BAHD1: variants seen among roughly 807,000 people sequenced by gnomAD.
The protein encoded by BAHD1 is bromo adjacent homology domain-containing 1 protein.
A neutral mutation model predicts 63.1 loss-of-function variants in BAHD1; 20 were observed. That is an observed-to-expected ratio of 0.32 (90% CI 0.22 to 0.46). The LOEUF is 0.46. Ranked by LOEUF, BAHD1 falls within the 20% of genes least tolerant of loss-of-function variation. The pLI is 1.00. For missense variants in BAHD1, 939 were observed against 1,071.8 expected, an observed-to-expected ratio of 0.88 and a Z score of 1.73; for synonymous variants, 408 against 426.8, an observed-to-expected ratio of 0.96 and a Z score of 0.54.
At chr15:40,440,689 A>G (rs1401551214), upstream of BAHD1, among the ~76,000 whole-genome samples, 1 of 151,604 alleles carries the variant, frequency 6.6e-6, no homozygotes, top group African/African-American at 2.4e-5. Flanking sequence ...CCTTGCCACC[A>G]CCCTTGGCAC....
chr15:40,439,475 G>A, upstream of BAHD1, among the ~76,000 whole-genome samples: 1 of 152,212 alleles, frequency 6.6e-6, no homozygotes, highest in East Asian at 1.9e-4. Flanking sequence ...TGTGGTGCAG[G>A]AGGAGCCCCT....
chr15:40,459,668 G>A lies in BAHD1; in HGVS notation c.1204G>A (p.Gly402Ser). The change falls in exon 2 of 7, where the codon GGC (glycine) becomes AGC (serine). Residue 402 changes from glycine to serine, a missense_variant. This residue lies in a region of BAHD1 where 797 missense variants were observed against 813.3 expected (regional missense o/e 0.98). Coordinates refer to ENST00000416165, the MANE Select transcript of BAHD1 (RefSeq NM_014952.5). ...GYSPCPMLPEGKLSPVAAPHE... is the reference protein window; with the variant it reads ...GYSPCPMLPESKLSPVAAPHE... ...CTCGCCCTGCCCCATGCTTCCTGAG[G>A]GCAAGCTGTCCCCAGTGGCTGCACC... 1.2e-6 allele frequency: 2 copies of A among 1,614,084 alleles called. No individual in the cohort carries two copies. The highest frequency in any genetic ancestry group is 1.1e-5 in the South Asian group (1 of 91,086).
At position 40,467,696 on chromosome 15, in the gene BAHD1, G is replaced by T. The variant is rs191680203; in HGVS notation, c.*1566G>T. 2.4e-4 allele frequency: 37 copies of T among 152,810 alleles called. 1 individual carries two copies. The highest frequency in any genetic ancestry group is 4.0e-4 in the Non-Finnish European group (27 of 68,080). The allele number at this position is 152,810 out of a possible 1,614,324, so 9.5% of individuals were successfully genotyped here. On this transcript the variant is annotated 3_prime_UTR_variant, in exon 7 of 7. Transcript: ENST00000416165. ...GGTGAGGCCTGGAGGCTTCAGAGGT[G>T]AATTTATGCTTGGGAAGCCTGATCC...
chr15:40,451,311 G>A (rs1240165030), intron 1 of BAHD1, among the ~76,000 whole-genome samples: 2 of 152,188 alleles, frequency 1.3e-5, no homozygotes, highest in African/African-American at 4.8e-5. Context: ...GTGTCTAAAT[G>A]CCTGGCTCAT....
rs1893941453 is a variant in BAHD1, at chr15:40,459,049, A to T, written c.585A>T (p.Arg195=). ...CAGCACCCGATGAAGGTCCCCGCCG[A>T]GATGGAGACCCAGCTCCCAAGAGAC... ...PEPAPDEGPR[R]DGDPAPKRLA... The change falls in exon 2 of 7, where the codon CGA becomes CGT. Residue 195 remains arginine (R), a synonymous_variant. Coordinates refer to ENST00000416165, the MANE Select transcript of BAHD1 (RefSeq NM_014952.5). 2 of 1,608,082 alleles carry T rather than the reference A, an allele frequency of 1.2e-6. No individual in the cohort carries two copies. Among genetic ancestry groups the T allele is most frequent in the Admixed American group, 1.7e-5 (1 of 59,458 alleles).
At chr15:40,448,543 G>A (rs1473795603) in intron 1 of BAHD1, among the ~76,000 whole-genome samples, 1 of 152,060 alleles carries the variant, frequency 6.6e-6, no homozygotes, top group Admixed American at 6.6e-5. Flanking sequence ...CTCAATCCTA[G>A]CAACTTTTTA....
chr15:40,446,736 G>A (rs993813638), intron 1 of BAHD1, among the ~76,000 whole-genome samples: 2 of 152,208 alleles, frequency 1.3e-5, no homozygotes, highest in Non-Finnish European at 2.9e-5. Context: ...TTTCTTGCAT[G>A]TGTTCCTTTT....
intron 1 of BAHD1, among the ~76,000 whole-genome samples, chr15:40,441,595 A>C (rs1476778181): frequency 6.8e-6 from 1 of 147,540 alleles, no homozygotes; most frequent in African/African-American, 2.5e-5. Context: ...TGGCGGCCGC[A>C]GGGTGGCAGC....
rs920908108 is a variant in BAHD1 at position 40,458,119 on chromosome 15, CAG to C, written c.-14-331_-14-330del. On this transcript the variant is annotated intron_variant, in intron 1 of 6. Transcript: ENST00000416165. The surrounding 1 kb of genome is among the most constrained non-coding windows in gnomAD (Gnocchi z 4.7). ...TGATGAATATCTAGTGAGAGAAGGA[CAG>C]GGGGAGAGAACAAAGAGCTTTGCCA... Among the ~76,000 whole-genome samples, 8 of 152,274 alleles carry C rather than the reference CAG, an allele frequency of 5.3e-5. No homozygotes were observed. Among genetic ancestry groups the C allele is most frequent in the South Asian group, 4.1e-4 (2 of 4,824 alleles).
At position 40,462,231 on chromosome 15, in the gene BAHD1, T is replaced by TCGC. The variant is rs752347404; in HGVS notation, c.1759_1761dup (p.Arg587dup). On this transcript the variant is annotated inframe_insertion, in exon 3 of 7. Coordinates refer to ENST00000416165, the MANE Select transcript of BAHD1 (RefSeq NM_014952.5). ...AGCGCCCACGCCCTCGCCGCCGCCG[T>TCGC]CGCCGCCGCACTAATGGCTGGGTAC... The TCGC allele has an allele frequency of 1.1e-5, 17 of 1,611,160 alleles. No homozygotes were observed. In the East Asian group the frequency reaches 2.7e-4, roughly 25 times the overall value.
In BAHD1 at chr15:40,463,873, C is replaced by T; in HGVS notation, c.1828C>T (p.Pro610Ser). Reference sequence around the variant, plus strand: ...GTTTGTTGCCTAGGATGAGCCGGAGCCAGCCATCCGAAAGAGCTACCAGGC... The same window carrying T: ...GTTTGTTGCCTAGGATGAGCCGGAGTCAGCCATCCGAAAGAGCTACCAGGC... ...KAVYVLDEPEPAIRKSYQAVE... is the reference protein window; with the variant it reads ...KAVYVLDEPESAIRKSYQAVE... Residue 610 changes from proline to serine, a missense_variant, in exon 4 of 7, where the codon CCA becomes TCA. This residue lies in a region of BAHD1 where 35 missense variants were observed against 56.5 expected (regional missense o/e 0.62). Coordinates refer to ENST00000416165, the MANE Select transcript of BAHD1 (RefSeq NM_014952.5). The T allele has an allele frequency of 6.2e-7, 1 of 1,614,182 alleles. No homozygotes were observed. The highest frequency in any genetic ancestry group is 8.5e-7 in the Non-Finnish European group (1 of 1,180,006).
At chr15:40,457,161 C>T (rs1359832674) in intron 1 of BAHD1, among the ~76,000 whole-genome samples, 1 of 152,220 alleles carries the variant, frequency 6.6e-6, no homozygotes, top group East Asian at 1.9e-4. Flanking sequence ...GAACCGAGCA[C>T]GACTAACAAG....
Position 40,459,806 on chromosome 15 carries a change from G to C in BAHD1, c.1342G>C (p.Gly448Arg), listed in dbSNP as rs1368040696. The change falls in exon 2 of 7, where the codon GGC (glycine) becomes CGC (arginine). Residue 448 changes from glycine to arginine, a missense_variant. By Grantham distance (125) the Gly-to-Arg change is moderately radical. Transcript: ENST00000416165. ...YCSSEDTGVN[G>R]YSICGVLPLS... is the part of the protein sequence containing the mutation. ...CTCTAGCGAGGACACTGGAGTGAAT[G>C]GCTACAGCATCTGCGGAGTGTTGCC... is the stretch of plus-strand genomic sequence containing the variant. 1 of 1,613,408 alleles carries C rather than the reference G, an allele frequency of 6.2e-7. No individual in the cohort carries two copies.
chr15:40,440,392 G>C (rs539900216), upstream of BAHD1, among the ~76,000 whole-genome samples: 3 of 152,030 alleles, frequency 2.0e-5, no homozygotes, highest in Non-Finnish European at 2.9e-5. Context: ...CTGCAGGAAA[G>C]GGGGGTTGTT....
At chr15:40,449,549 C>A (rs968675392) in intron 1 of BAHD1, among the ~76,000 whole-genome samples, 1 of 152,058 alleles carries the variant, frequency 6.6e-6, no homozygotes, top group African/African-American at 2.4e-5. Flanking sequence ...CCTGTAATCC[C>A]AGCACTTTGG....
intron 1 of BAHD1, among the ~76,000 whole-genome samples, chr15:40,443,909 T>C (rs1359544820): frequency 6.6e-6 from 1 of 152,178 alleles, no homozygotes; most frequent in Non-Finnish European, 1.5e-5. Flanking sequence ...TTCCTGCATC[T>C]TCACTGCTGC....
intron 1 of BAHD1, chr15:40,453,672 A>G (rs1386033544): frequency 6.6e-6 from 1 of 152,206 alleles, no homozygotes; most frequent in Non-Finnish European, 1.5e-5. Context: ...AAACCGGGCT[A>G]GGTATGGTGG....
At chr15:40,449,686 G>A (rs1433680252) in intron 1 of BAHD1, among the ~76,000 whole-genome samples, 1 of 151,982 alleles carries the variant, frequency 6.6e-6, no homozygotes, top group African/African-American at 2.4e-5. Context: ...GTGTAGGCCT[G>A]TAGTCCCAAC....
rs778169435 is a variant in BAHD1 at position 40,459,602 on chromosome 15, T to C, written c.1138T>C (p.Tyr380His). The change falls in exon 2 of 7, where the codon TAC becomes CAC. Residue 380 changes from tyrosine (Y) to histidine (H), a missense_variant. Transcript: ENST00000416165. ...GPELTALGSF[Y>H]LYCGQEGLQC... ...TGAGCTCACTGCACTAGGCAGCTTC[T>C]ACCTGTACTGTGGCCAAGAGGGGCT... 2.5e-5 allele frequency: 41 copies of C among 1,614,068 alleles called. No individual in the cohort carries two copies. Among genetic ancestry groups the C allele is most frequent in the Non-Finnish European group, 3.4e-5 (40 of 1,180,038 alleles).
Sources: gnomAD v4.1 joint callset for allele counts (sites outside exome capture counted in the v4.1 genomes callset) on GRCh38, gnomAD v4.1.1 for gene constraint, gnomAD v4.1.1 regional missense constraint, Gnocchi (gnomAD v3.1) non-coding constraint, MANE v1.5 for transcripts, NCBI Gene and HGNC (gene_info 2026-07-23, HGNC 2026-07-21) for gene names.